FAM107B: variants seen among roughly 807,000 people sequenced by gnomAD.
FAM107B encodes family with sequence similarity 107 member B, also known as protein FAM107B.
FAM107B carries 21 observed loss-of-function variants against 31.5 expected under a neutral mutation model. That is an observed-to-expected ratio of 0.67 (90% confidence interval 0.47 to 0.96). The LOEUF (loss-of-function observed/expected upper bound fraction) is 0.96. FAM107B is among the 40% of genes least tolerant of loss of function. The pLI is 0.00. For missense variants in FAM107B, 452 were observed against 377.1 expected, an observed-to-expected ratio of 1.20 and a Z score of -1.64; for synonymous variants, 157 against 141.5, an observed-to-expected ratio of 1.11 and a Z score of -0.78.
intron 2 of FAM107B, among the ~76,000 whole-genome samples, chr10:14,596,053 C>T (rs1357189690): frequency 6.6e-6 from 1 of 152,228 alleles, no homozygotes; most frequent in African/African-American, 2.4e-5. Context: ...GACCCCACTG[C>T]ACAGCTCTCT....
chr10:14,590,498 C>T (rs1851979731), intron 2 of FAM107B, among the ~76,000 whole-genome samples: 1 of 152,190 alleles, frequency 6.6e-6, no homozygotes, highest in Admixed American at 6.5e-5. Flanking sequence ...TGGAAGTTGT[C>T]CCAAAATCAA....
intron 2 of FAM107B, among the ~76,000 whole-genome samples, chr10:14,590,989 CAAA>C (rs35000609): frequency 4.5e-5 from 3 of 67,012 alleles, no homozygotes; most frequent in Admixed American, 3.5e-4. Context: ...AACTCCATCT[CAAA>C]AAAAAAAAAA....
intron 2 of FAM107B, among the ~76,000 whole-genome samples, chr10:14,539,787 G>C (rs1294181666): frequency 6.6e-6 from 1 of 152,118 alleles, no homozygotes; most frequent in African/African-American, 2.4e-5. Flanking sequence ...GCTGATCCTT[G>C]GTGACTTTTT....
intron 1 of FAM107B, among the ~76,000 whole-genome samples, chr10:14,669,567 A>AT (rs1308404847): frequency 6.6e-6 from 1 of 152,212 alleles, no homozygotes; most frequent in Non-Finnish European, 1.5e-5. Context: ...CTATTTGGCC[A>AT]TAAAAAAAAG....
At chr10:14,642,734 GGAA>G (rs1029619647) in intron 2 of FAM107B, among the ~76,000 whole-genome samples, 2 of 152,104 alleles carry the variant, frequency 1.3e-5, no homozygotes, top group African/African-American at 4.8e-5. Flanking sequence ...TAAGCAATCA[GGAA>G]GAACCAAGCC....
chr10:14,660,845 A>G (rs906974341), intron 2 of FAM107B, among the ~76,000 whole-genome samples: 1 of 152,190 alleles, frequency 6.6e-6, no homozygotes, highest in Non-Finnish European at 1.5e-5. Flanking sequence ...TGGAAAGGAA[A>G]AAGGAAAGAG....
chr10:14,596,968 C>G (rs545184766), intron 2 of FAM107B, among the ~76,000 whole-genome samples: 1 of 152,210 alleles, frequency 6.6e-6, no homozygotes, highest in Admixed American at 6.5e-5. Flanking sequence ...ATGACATGCT[C>G]AAAAGTCATA....
At chr10:14,556,969 C>T (rs1207497966) in intron 2 of FAM107B, among the ~76,000 whole-genome samples, 1 of 152,240 alleles carries the variant, frequency 6.6e-6, no homozygotes, top group East Asian at 1.9e-4. Context: ...TCCTGGAACA[C>T]ACCAAACTCT....
chr10:14,601,036 G>T (rs1852379990), intron 2 of FAM107B, among the ~76,000 whole-genome samples: 1 of 152,132 alleles, frequency 6.6e-6, no homozygotes, highest in African/African-American at 2.4e-5. Context: ...CAAAGCACTG[G>T]GATTACAGGC....
intron 2 of FAM107B, among the ~76,000 whole-genome samples, chr10:14,580,707 T>A (rs900228188): frequency 3.3e-5 from 5 of 150,432 alleles, no homozygotes; most frequent in Admixed American, 1.3e-4. Context: ...AAAAAAAAAC[T>A]GTTAAAGGCC....
In FAM107B at chr10:14,599,837, G is replaced by A. The variant is rs557253749; in HGVS notation, c.469+67797C>T. 2.9e-5 allele frequency among the ~76,000 whole-genome samples: 4 copies of A among 137,944 alleles called. No individual in the cohort carries two copies. The Admixed American group carries it at 3.1e-4, about 11-fold the overall frequency. 90.5% of individuals were successfully genotyped at this position (137,944 alleles called of 152,430 possible). ...GCGTGTACCCTGCTGTGGGATCACT[G>A]CTATTCCTTGATCTACAAAAAAAAA... On this transcript the variant is annotated intron_variant, in intron 2 of 4. Transcript: ENST00000181796.
intron 2 of FAM107B, among the ~76,000 whole-genome samples, chr10:14,636,484 C>A (rs1853503688): frequency 1.3e-5 from 2 of 152,110 alleles, no homozygotes; most frequent in Admixed American, 6.5e-5. Flanking sequence ...GAATAAGAAC[C>A]AAGGAATCAG....
intron 1 of FAM107B, among the ~76,000 whole-genome samples, chr10:14,734,438 A>C (rs1015736268): frequency 6.6e-6 from 1 of 151,968 alleles, no homozygotes; most frequent in South Asian, 2.1e-4. Flanking sequence ...TGAAGGTGGC[A>C]CAACACAAAT....
intron 1 of FAM107B, among the ~76,000 whole-genome samples, chr10:14,726,601 G>A (rs993236966): frequency 3.9e-5 from 6 of 152,156 alleles, no homozygotes; most frequent in African/African-American, 9.7e-5. Context: ...GTCTAGCCAC[G>A]TGGCAGCTAG....
intron 3 of FAM107B, chr10:14,530,111 G>A (rs922125120): frequency 4.1e-6 from 2 of 489,246 alleles, no homozygotes; most frequent in Non-Finnish European, 3.7e-6. Context: ...GTGACTGCAG[G>A]AGTCTGGAAG....
At chr10:14,728,504 C>T (rs1046580923) in intron 1 of FAM107B, among the ~76,000 whole-genome samples, 6 of 152,170 alleles carry the variant, frequency 3.9e-5, no homozygotes, top group Admixed American at 3.9e-4. Flanking sequence ...AGAAGTCAAG[C>T]TGGACCAGCA....
At chr10:14,717,192 G>A (rs1442673894) in intron 1 of FAM107B, among the ~76,000 whole-genome samples, 2 of 152,222 alleles carry the variant, frequency 1.3e-5, no homozygotes, top group Non-Finnish European at 2.9e-5. Flanking sequence ...GGGTAAGGTA[G>A]TGAGCACGTG....
At chr10:14,590,249 G>A (rs149508312) in intron 2 of FAM107B, among the ~76,000 whole-genome samples, 5 of 152,206 alleles carry the variant, frequency 3.3e-5, no homozygotes, top group South Asian at 2.1e-4. Flanking sequence ...ACTCTTCCAC[G>A]TTTCTAGTTT....
intron 1 of FAM107B, among the ~76,000 whole-genome samples, chr10:14,722,580 G>C (rs1324292617): frequency 6.6e-6 from 1 of 152,076 alleles, no homozygotes. Context: ...GACTAATATT[G>C]AGAATCTTGT....
Sources: allele counts gnomAD v4.1 joint callset (sites outside exome capture counted in the v4.1 genomes callset), GRCh38; gene constraint gnomAD v4.1.1; transcripts MANE v1.5; gene names NCBI Gene and HGNC (gene_info 2026-07-23, HGNC 2026-07-21).